The following MXI1 variants were observed in gnomAD, a reference collection of about 807,000 sequenced individuals.
MXI1 encodes the protein max-interacting protein 1.
A neutral mutation model predicts 36.9 loss-of-function variants in MXI1; 18 were observed. That is an observed-to-expected ratio of 0.49 (90% CI 0.34 to 0.72). The LOEUF is 0.72. Ranked by LOEUF, MXI1 falls within the 30% of genes least tolerant of loss-of-function variation. The pLI is 0.01. For synonymous variants in MXI1, 160 were observed against 146.7 expected, an observed-to-expected ratio of 1.09 and a Z score of -0.65; for missense variants, 304 against 379.1, an observed-to-expected ratio of 0.80 and a Z score of 1.64.
intron 3 of MXI1, among the ~76,000 whole-genome samples, chr10:110,271,156 G>T (rs1401176189): frequency 6.6e-6 from 1 of 151,562 alleles, no homozygotes; most frequent in Non-Finnish European, 1.5e-5. Flanking sequence ...TACTCTACAT[G>T]TAGACATCTT....
chr10:110,214,052 G>C (rs1396894177), intron 1 of MXI1, among the ~76,000 whole-genome samples: 1 of 152,206 alleles, frequency 6.6e-6, no homozygotes, highest in South Asian at 2.1e-4. Flanking sequence ...AGGGATGCCA[G>C]GTAATTTGCC....
chr10:110,246,283 A>ACTGCACT (rs1249197866), intron 3 of MXI1, among the ~76,000 whole-genome samples: 1 of 152,092 alleles, frequency 6.6e-6, no homozygotes, highest in Admixed American at 6.6e-5. Context: ...TGATCATGCC[A>ACTGCACT]CTGCACTCCA....
At chr10:110,210,450 T>A (rs961218610) in intron 1 of MXI1, 1 of 278,616 alleles carries the variant, frequency 3.6e-6, no homozygotes, top group African/African-American at 2.3e-5. Flanking sequence ...CCCCCAGATT[T>A]CCCCGAGAGC....
Position 110,207,714 on chromosome 10 carries a change from T to C in MXI1, c.-95T>C, listed in dbSNP as rs1381563803. ...GCCGGCTTTTCGCCCCGGCGCCTTC[T>C]CTGCTCCAGCCGGCCGGGTCTCCCT... On this transcript the variant is annotated 5_prime_UTR_variant, in exon 1 of 6. Coordinates refer to ENST00000332674, the MANE Select transcript of MXI1 (RefSeq NM_130439.3). 2 of 878,152 alleles carry C rather than the reference T, an allele frequency of 2.3e-6. No individual in the cohort carries two copies. The highest frequency in any genetic ancestry group is 2.8e-6 in the Non-Finnish European group (2 of 719,528). The allele number at this position is 878,152 out of a possible 1,614,324, so 54.4% of individuals were successfully genotyped here. A position where few individuals can be genotyped will look rare whatever the true frequency, so the allele number is the denominator to read the frequency against.
intron 2 of MXI1, among the ~76,000 whole-genome samples, chr10:110,241,432 G>C (rs553292386): frequency 6.6e-6 from 1 of 152,042 alleles, no homozygotes; most frequent in South Asian, 2.1e-4. Flanking sequence ...GGGCTTGGTT[G>C]GACACATACC....
intron 3 of MXI1, among the ~76,000 whole-genome samples, chr10:110,277,791 C>G (rs1590407260): frequency 6.6e-6 from 1 of 152,302 alleles, no homozygotes; most frequent in South Asian, 2.1e-4. Context: ...AATCTTAATT[C>G]ATTAGCCAAA....
At chr10:110,260,906 C>A (rs1856490588) in intron 3 of MXI1, 6 of 743,816 alleles carry the variant, frequency 8.1e-6, no homozygotes, top group Non-Finnish European at 9.8e-6. Flanking sequence ...CTTCTGGCCA[C>A]TTTTTTGTAT....
At chr10:110,218,580 C>G (rs1437666017) in intron 1 of MXI1, among the ~76,000 whole-genome samples, 2 of 152,128 alleles carry the variant, frequency 1.3e-5, no homozygotes, top group African/African-American at 4.8e-5. Flanking sequence ...GTCAGAACCT[C>G]CAGGGCCCTT....
intron 3 of MXI1, among the ~76,000 whole-genome samples, chr10:110,271,661 T>C (rs1856858132): frequency 6.6e-6 from 1 of 152,168 alleles, no homozygotes; most frequent in Non-Finnish European, 1.5e-5. Flanking sequence ...GTATGAGTTA[T>C]GGGAAATGAG....
chr10:110,261,543 G>A (rs989106945), intron 3 of MXI1, among the ~76,000 whole-genome samples: 55 of 151,500 alleles, frequency 3.6e-4, no homozygotes, highest in African/African-American at 1.1e-3. Flanking sequence ...CTAAAATTAC[G>A]TGATAGAGAT....
chr10:110,269,954 C>T (rs1856802959), intron 3 of MXI1, among the ~76,000 whole-genome samples: 1 of 152,152 alleles, frequency 6.6e-6, no homozygotes, highest in Admixed American at 6.5e-5. Context: ...AGTAGAAAAA[C>T]TGTTAATAAG....
chr10:110,251,279 A>G (rs1034763680), intron 3 of MXI1, among the ~76,000 whole-genome samples: 8 of 152,122 alleles, frequency 5.3e-5, no homozygotes, highest in African/African-American at 1.9e-4. Flanking sequence ...AACAGTTCTA[A>G]TCATGATCCT....
Position 110,251,035 on chromosome 10 carries a change from A to G in MXI1, c.437+6178A>G, listed in dbSNP as rs1053881757. Among the ~76,000 whole-genome samples, 668 of 120,986 alleles carry G rather than the reference A, an allele frequency of 5.5e-3. 12 individuals carry two copies. The highest frequency in any genetic ancestry group is 0.024 in the African/African-American group (631 of 25,804). 79.4% of individuals were successfully genotyped at this position (120,986 alleles called of 152,430 possible). A position where few individuals can be genotyped will look rare whatever the true frequency, so the allele number is the denominator to read the frequency against. On this transcript the variant is annotated intron_variant, in intron 3 of 5. Coordinates refer to ENST00000332674, the MANE Select transcript of MXI1 (RefSeq NM_130439.3). ...TAAAAAAAAAAAAAAAAAAAAAAAA[A>G]AGAGAAGGATGTCTAGTGAGTAGTA...
At chr10:110,242,410 C>T (rs1224619183) in intron 2 of MXI1, among the ~76,000 whole-genome samples, 1 of 151,858 alleles carries the variant, frequency 6.6e-6, no homozygotes, top group Non-Finnish European at 1.5e-5. Flanking sequence ...CAGGTAAAAA[C>T]CCATCAAAAT....
intron 3 of MXI1, among the ~76,000 whole-genome samples, chr10:110,265,196 A>G (rs1856644337): frequency 6.6e-6 from 1 of 152,222 alleles, no homozygotes; most frequent in Admixed American, 6.5e-5. Context: ...ATAATAGTTA[A>G]GAATTGTTTA....
chr10:110,240,552 A>G (rs1855634137), intron 2 of MXI1, among the ~76,000 whole-genome samples: 1 of 152,088 alleles, frequency 6.6e-6, no homozygotes. Context: ...ATGGAAACAA[A>G]TGCAGAAAAC....
intron 3 of MXI1, chr10:110,257,165 CA>C: frequency 6.6e-6 from 1 of 152,204 alleles, no homozygotes; most frequent in South Asian, 2.1e-4. Flanking sequence ...TGCGATTCTA[CA>C]AAAAAGATGA....
intron 1 of MXI1, among the ~76,000 whole-genome samples, chr10:110,219,124 A>C (rs1381684287): frequency 6.6e-6 from 1 of 152,098 alleles, no homozygotes; most frequent in Non-Finnish European, 1.5e-5. Flanking sequence ...ATATGGTGAA[A>C]CCCTGTCTCT....
intron 1 of MXI1, among the ~76,000 whole-genome samples, chr10:110,213,239 T>C (rs1341120534): frequency 6.6e-6 from 1 of 152,188 alleles, no homozygotes; most frequent in African/African-American, 2.4e-5. Flanking sequence ...GAGACTAGAG[T>C]GACTTCTGCT....
Sources: gnomAD v4.1 joint callset for allele counts (sites outside exome capture counted in the v4.1 genomes callset) on GRCh38, gnomAD v4.1.1 for gene constraint, MANE v1.5 for transcripts, NCBI Gene and HGNC (gene_info 2026-07-23, HGNC 2026-07-21) for gene names.